WDR70: variants seen among roughly 807,000 people sequenced by gnomAD.
The protein encoded by WDR70 is WD repeat domain 70, also known as WD repeat-containing protein 70.
In WDR70, 53 loss-of-function variants were observed where a neutral mutation model predicts 88.6. The ratio of observed to expected loss-of-function variants is 0.60; its 90% CI spans 0.48 to 0.75. The LOEUF is 0.75. Among genes scored for constraint, WDR70 ranks in the 30% least tolerant of loss-of-function variants. The pLI is 0.00. For synonymous variants in WDR70, 280 were observed against 270.0 expected (o/e 1.04, Z -0.36); for missense variants, 610 against 823.2 (o/e 0.74, Z 3.17).
chr5:37,535,186 T>C (rs1295797909), intron 9 of WDR70, among the ~76,000 whole-genome samples: 1 of 152,012 alleles, frequency 6.6e-6, no homozygotes, highest in Non-Finnish European at 1.5e-5. Context: ...AGGGGTCTAC[T>C]GCACGTAGAG....
intron 13 of WDR70, among the ~76,000 whole-genome samples, chr5:37,710,356 C>A (rs1400680387): frequency 2.0e-5 from 3 of 152,070 alleles, no homozygotes; most frequent in Non-Finnish European, 2.9e-5. Context: ...TATAGTCACA[C>A]ACACACCCCC....
In WDR70 at chr5:37,571,271, A is replaced by G. The variant is rs561678899; in HGVS notation, c.918-33793A>G. 9.8e-5 allele frequency among the ~76,000 whole-genome samples: 15 copies of G among 152,302 alleles called. No individual in the cohort carries two copies. The South Asian group carries it at 2.7e-3, about 27-fold the overall frequency. On this transcript the variant is annotated intron_variant, in intron 9 of 17. Coordinates refer to ENST00000265107, the MANE Select transcript of WDR70 (RefSeq NM_018034.4). ...CTAACAACATTCAAATACAAATTGC[A>G]ATCTATTCCAAAAGATGCATTGCTA...
intron 4 of WDR70, among the ~76,000 whole-genome samples, chr5:37,395,651 CATT>C (rs1169976263): frequency 6.6e-6 from 1 of 152,056 alleles, no homozygotes; most frequent in African/African-American, 2.4e-5. Flanking sequence ...ACATGACTGG[CATT>C]ATTTGCTACT....
At chr5:37,679,004 T>C (rs945099723) in intron 10 of WDR70, among the ~76,000 whole-genome samples, 10 of 152,278 alleles carry the variant, frequency 6.6e-5, no homozygotes, top group African/African-American at 2.4e-4. Flanking sequence ...ACTGATACCC[T>C]TTCTTCCAGT....
At chr5:37,573,487 A>G (rs6891740) in intron 9 of WDR70, among the ~76,000 whole-genome samples, 110,617 of 149,970 alleles carry the variant, frequency 0.74, 41,396 homozygotes, top group African/African-American at 0.87. Flanking sequence ...CCATTAAGTC[A>G]TCATTTAACA....
At chr5:37,638,170 T>TCTG (rs1581455583) in intron 10 of WDR70, among the ~76,000 whole-genome samples, 1 of 152,244 alleles carries the variant, frequency 6.6e-6, no homozygotes, top group East Asian at 1.9e-4. Flanking sequence ...GAGAATGCCA[T>TCTG]CTGATCTGTA....
At chr5:37,549,796 G>A (rs1742090878) in intron 9 of WDR70, among the ~76,000 whole-genome samples, 1 of 151,694 alleles carries the variant, frequency 6.6e-6, no homozygotes, top group African/African-American at 2.4e-5. Flanking sequence ...CTTTTATTAT[G>A]TTGAGGTATG....
chr5:37,469,637 T>A (rs1739264906), intron 7 of WDR70, among the ~76,000 whole-genome samples: 2 of 152,168 alleles, frequency 1.3e-5, no homozygotes, highest in African/African-American at 4.8e-5. Flanking sequence ...AAAGCAGAGT[T>A]GGGAGCAGCA....
chr5:37,699,072 A>G (rs914694339), intron 11 of WDR70, among the ~76,000 whole-genome samples: 2 of 152,026 alleles, frequency 1.3e-5, no homozygotes, highest in Non-Finnish European at 2.9e-5. Context: ...TCAAATGATA[A>G]TTGCTCCACT....
At chr5:37,520,559 T>G (rs963017159) in intron 9 of WDR70, among the ~76,000 whole-genome samples, 11 of 152,150 alleles carry the variant, frequency 7.2e-5, no homozygotes, top group African/African-American at 2.7e-4. Flanking sequence ...GGAATGAACT[T>G]TATCAGCAAT....
Position 37,441,180 on chromosome 5 carries a change from C to A in WDR70, c.553-2059C>A, listed in dbSNP as rs6867938. 5.7e-4 allele frequency among the ~76,000 whole-genome samples: 87 copies of A among 152,270 alleles called. 1 individual carries two copies. The highest frequency in any genetic ancestry group is 2.1e-3 in the African/African-American group (86 of 41,546). ...AAGGATAGCATAATGAACGTAGAGG[C>A]AAGTGAGTTTGTAGGTGGTGGTAGC... is the stretch of plus-strand genomic sequence containing the variant. On this transcript the variant is annotated intron_variant, in intron 6 of 17. Coordinates refer to ENST00000265107, the MANE Select transcript of WDR70 (RefSeq NM_018034.4).
intron 5 of WDR70, among the ~76,000 whole-genome samples, chr5:37,426,149 A>C (rs1429369661): frequency 6.6e-6 from 1 of 152,224 alleles, no homozygotes; most frequent in Non-Finnish European, 1.5e-5. Flanking sequence ...ACAGGTGGCC[A>C]AGAAGGAGGT....
intron 10 of WDR70, among the ~76,000 whole-genome samples, chr5:37,645,252 G>A (rs779545780): frequency 6.6e-6 from 1 of 151,276 alleles, no homozygotes; most frequent in Non-Finnish European, 1.5e-5. Flanking sequence ...TCATTCAGTA[G>A]CATGTTATGT....
chr5:37,673,583 A>AGCCCC (rs1554010662), intron 10 of WDR70, among the ~76,000 whole-genome samples: 1 of 76,238 alleles, frequency 1.3e-5, no homozygotes, highest in African/African-American at 5.4e-5. Context: ...GACTTTTCTT[A>AGCCCC]CCCCCCCCCC....
chr5:37,543,401 C>T (rs1741888496), intron 9 of WDR70, among the ~76,000 whole-genome samples: 1 of 151,908 alleles, frequency 6.6e-6, no homozygotes, highest in Admixed American at 6.6e-5. Flanking sequence ...TAGAAGATAC[C>T]AGCTGATGAA....
intron 13 of WDR70, among the ~76,000 whole-genome samples, chr5:37,716,685 TA>T (rs111718502): frequency 0.085 from 12,954 of 152,144 alleles, 1,755 homozygotes; most frequent in African/African-American, 0.29. Context: ...TCAATTATAT[TA>T]AATAATATAA....
At chr5:37,491,195 G>T (rs1235915290) in intron 8 of WDR70, among the ~76,000 whole-genome samples, 2 of 152,080 alleles carry the variant, frequency 1.3e-5, no homozygotes, top group Non-Finnish European at 2.9e-5. Context: ...GCCTCTTAGG[G>T]CTCCCAGCTG....
At chr5:37,441,126 A>G (rs1750640055) in intron 6 of WDR70, among the ~76,000 whole-genome samples, 1 of 152,222 alleles carries the variant, frequency 6.6e-6, no homozygotes, top group Non-Finnish European at 1.5e-5. Context: ...AGGAGGAGAA[A>G]TAACTTTTAA....
At chr5:37,422,565 C>T (rs1749978287) in intron 5 of WDR70, among the ~76,000 whole-genome samples, 1 of 152,124 alleles carries the variant, frequency 6.6e-6, no homozygotes, top group Non-Finnish European at 1.5e-5. Flanking sequence ...GCAACCTCCA[C>T]CTCCTGGGTT....
Sources: allele counts gnomAD v4.1 joint callset (sites outside exome capture counted in the v4.1 genomes callset), GRCh38; gene constraint gnomAD v4.1.1; transcripts MANE v1.5; gene names NCBI Gene and HGNC (gene_info 2026-07-23, HGNC 2026-07-21).